The following EDRF1 variants were observed in gnomAD, a reference collection of about 807,000 sequenced individuals.
The protein encoded by EDRF1 is erythroid differentiation regulatory factor 1, also known as erythroid differentiation-related factor 1.
EDRF1 carries 69 observed loss-of-function variants against 148.7 expected under a neutral mutation model. The observed-to-expected ratio is 0.46, with a 90% CI of 0.38 to 0.57. The LOEUF is 0.57. Among genes scored for constraint, EDRF1 ranks in the 20% least tolerant of loss-of-function variants. The probability of loss-of-function intolerance (pLI) is 0.00; values close to 1 mark genes in which losing one functional copy is unlikely to be tolerated. For missense variants in EDRF1, 1,118 were observed against 1,478.7 expected, an observed-to-expected ratio of 0.76 and a Z score of 4.00; for synonymous variants, 515 against 532.8, an observed-to-expected ratio of 0.97 and a Z score of 0.46.
chr10:125,730,505 G>C, intron 9 of EDRF1, 106 bp downstream of exon 9: 4 of 859,562 alleles, frequency 4.7e-6, no homozygotes, highest in Non-Finnish European at 8.0e-6. Context: ...TTTTTGCCAG[G>C]GAAGATAGCT....
At chr10:125,724,166 G>GA (rs1848145187) in intron 4 of EDRF1, among the ~76,000 whole-genome samples, 1 of 152,054 alleles carries the variant, frequency 6.6e-6, no homozygotes, top group Non-Finnish European at 1.5e-5. Flanking sequence ...TTTTTTACAA[G>GA]AAAAAAGATG....
intron 6 of EDRF1, among the ~76,000 whole-genome samples, chr10:125,726,543 A>T (rs980856636): frequency 6.6e-5 from 10 of 152,222 alleles, no homozygotes; most frequent in Non-Finnish European, 1.2e-4. Flanking sequence ...ATAGATTGAT[A>T]AATAGATAAT....
At chr10:125,720,398 G>A (rs1847925354) in intron 1 of EDRF1, among the ~76,000 whole-genome samples, 1 of 152,136 alleles carries the variant, frequency 6.6e-6, no homozygotes, top group South Asian at 2.1e-4. Context: ...AGACTCAAGA[G>A]TATTTGAACC....
intron 12 of EDRF1, among the ~76,000 whole-genome samples, chr10:125,735,426 A>G (rs1848677973): frequency 6.6e-6 from 1 of 152,098 alleles, no homozygotes; most frequent in Non-Finnish European, 1.5e-5. Flanking sequence ...GGGTGGAGTA[A>G]TTTCGGGAAA....
chr10:125,763,451 G>A lies in EDRF1; in HGVS notation c.3696G>A (p.Ala1232=), dbSNP rs747214570. ...GCCAGCTTGCCGCCGGCAGTGCAGCGAGCAGCAATGCCGTTCAGTGACTGC... is the reference window on the plus strand; with the variant it reads ...GCCAGCTTGCCGCCGGCAGTGCAGCAAGCAGCAATGCCGTTCAGTGACTGC... ...LLGQLAAGSA[A]SSNAVQ Residue 1232 remains alanine, a synonymous_variant, in exon 25 of 25, where the codon GCG becomes GCA. Transcript: ENST00000356792. The surrounding 1 kb of genome is among the most constrained non-coding windows in gnomAD (Gnocchi z 4.3). 1.6e-5 allele frequency: 26 copies of A among 1,608,232 alleles called. No homozygotes were observed. Among genetic ancestry groups the A allele is most frequent in the African/African-American group, 1.1e-4 (8 of 74,938 alleles).
At chr10:125,734,646 A>G (rs1440939906) in intron 12 of EDRF1, among the ~76,000 whole-genome samples, 1 of 152,098 alleles carries the variant, frequency 6.6e-6, no homozygotes, top group Non-Finnish European at 1.5e-5. Context: ...GTTAATATAA[A>G]TAGGGTTCAC....
At position 125,725,459 on chromosome 10, in the gene EDRF1, TTATCTC is replaced by T. The variant is rs1453195045; in HGVS notation, c.635+20_635+25del. ...ATATTACAGGTACTTGGCTACTTAT[TTATCTC>T]TAAAGAGAAAAAGGGAATTCTGATC... is the stretch of plus-strand genomic sequence containing the variant. On this transcript the variant is annotated intron_variant, in intron 5 of 24. Transcript: ENST00000356792. 5 of 1,613,770 alleles carry T rather than the reference TTATCTC, an allele frequency of 3.1e-6. No homozygotes were observed. The highest frequency in any genetic ancestry group is 4.2e-6 in the Non-Finnish European group (5 of 1,179,780).
intron 15 of EDRF1, among the ~76,000 whole-genome samples, chr10:125,739,902 A>G (rs1267450379): frequency 6.6e-6 from 1 of 152,216 alleles, no homozygotes; most frequent in South Asian, 2.1e-4. Context: ...TTGAGTAAAG[A>G]AGGTAGCGAT....
rs781530747 is a variant in EDRF1 at position 125,763,524 on chromosome 10, G to A, written c.*52G>A. The A allele has an allele frequency of 1.5e-5, 24 of 1,570,508 alleles. No homozygotes were observed. Among genetic ancestry groups the A allele is most frequent in the Admixed American group, 8.7e-5 (5 of 57,544 alleles). ...CTGTCAGTGCCTTCAACACGGAGCC[G>A]GTTTGTTCATTCGGTGCTTTGTTTC... On this transcript the variant is annotated 3_prime_UTR_variant, in exon 25 of 25. Coordinates refer to ENST00000356792, the MANE Select transcript of EDRF1 (RefSeq NM_001202438.2). The surrounding 1 kb of genome is among the most constrained non-coding windows in gnomAD (Gnocchi z 4.3).
intron 11 of EDRF1, 58 bp downstream of exon 11, chr10:125,733,801 A>G (rs903770711): frequency 5.4e-6 from 8 of 1,477,514 alleles, no homozygotes; most frequent in African/African-American, 1.4e-5. Flanking sequence ...GTTTTAAAGC[A>G]TACAGTCACA....
At chr10:125,731,072 A>G (rs1848462849) in intron 9 of EDRF1, among the ~76,000 whole-genome samples, 1 of 152,182 alleles carries the variant, frequency 6.6e-6, no homozygotes, top group Non-Finnish European at 1.5e-5. Flanking sequence ...ACTTGAGCCC[A>G]GGAGTTTGAG....
At chr10:125,725,535 C>T (rs1564731536) in intron 5 of EDRF1, 93 bp downstream of exon 5, 1 of 1,574,042 alleles carries the variant, frequency 6.4e-7, no homozygotes, top group Non-Finnish European at 8.7e-7. Context: ...TTAAGTTTTG[C>T]CCCTGTGATA....
chr10:125,762,867 G>A (rs533192566), intron 24 of EDRF1, among the ~76,000 whole-genome samples: 178 of 152,254 alleles, frequency 1.2e-3, no homozygotes, highest in Non-Finnish European at 2.2e-3. Flanking sequence ...AGCTCCTTCT[G>A]TGCCCTCACC....
chr10:125,722,907 A>T (rs1276776638), intron 2 of EDRF1, among the ~76,000 whole-genome samples, 161 bp from the exon 3 acceptor site: 1 of 152,186 alleles, frequency 6.6e-6, no homozygotes, highest in Non-Finnish European at 1.5e-5. Context: ...AAGAAAAAAA[A>T]ACTTGCCAAC....
chr10:125,732,330 T>C (rs1176637555), intron 9 of EDRF1, among the ~76,000 whole-genome samples: 1 of 152,180 alleles, frequency 6.6e-6, no homozygotes, highest in Non-Finnish European at 1.5e-5. Flanking sequence ...ACTAGAATAA[T>C]GGTGGTGCCA....
chr10:125,761,184 A>G, intron 24 of EDRF1: 1 of 378,680 alleles, frequency 2.6e-6, no homozygotes, highest in East Asian at 8.6e-5. Context: ...AGAGTGAAAG[A>G]TGCATTTTAC....
intron 2 of EDRF1, among the ~76,000 whole-genome samples, chr10:125,722,028 G>T (rs533063530): frequency 2.6e-5 from 4 of 152,218 alleles, no homozygotes; most frequent in Non-Finnish European, 4.4e-5. Context: ...CATGTAACTT[G>T]TAGCAAGAGG....
rs746788678 is a variant in EDRF1, at chr10:125,763,323, A to G, written c.3568A>G (p.Ile1190Val). The G allele has an allele frequency of 2.1e-5, 34 of 1,613,252 alleles. No individual in the cohort carries two copies. The highest frequency in any genetic ancestry group is 4.5e-5 in the East Asian group (2 of 44,900). ...TAGCAATAACATCGAAGATGACACA[A>G]TTCTCAAAACCAACAAGCACATTTA... is the stretch of plus-strand genomic sequence containing the variant. ...KTSNNIEDDTILKTNKHIYSQ... is the reference protein window; with the variant it reads ...KTSNNIEDDTVLKTNKHIYSQ... The change falls in exon 25 of 25, where the codon ATT (isoleucine) becomes GTT (valine). Residue 1190 changes from isoleucine (I) to valine (V), a missense_variant. Ile to Val is a conservative substitution (Grantham distance 29). This residue lies in a region of EDRF1 where 954 missense variants were observed against 1,241.4 expected (regional missense o/e 0.77). Transcript: ENST00000356792. The surrounding 1 kb of genome is among the most constrained non-coding windows in gnomAD (Gnocchi z 4.3).
intron 24 of EDRF1, chr10:125,761,194 C>A: frequency 2.6e-6 from 1 of 383,016 alleles, no homozygotes; most frequent in South Asian, 2.1e-5. Flanking sequence ...ATGCATTTTA[C>A]TTGTTTAAAA....
Sources: allele counts gnomAD v4.1 joint callset (sites outside exome capture counted in the v4.1 genomes callset), GRCh38; gene constraint gnomAD v4.1.1; regional missense constraint gnomAD v4.1.1; non-coding constraint Gnocchi (gnomAD v3.1); transcripts MANE v1.5; gene names NCBI Gene and HGNC (gene_info 2026-07-23, HGNC 2026-07-21).